The following ATP6V0E1 variants were observed in gnomAD, a reference collection of about 807,000 sequenced individuals.
ATP6V0E1 encodes the protein V-type proton ATPase subunit e 1.
ATP6V0E1 carries 4 observed loss-of-function variants against 11.6 expected under a neutral mutation model. The observed-to-expected ratio is 0.35, with a 90% CI of 0.17 to 0.79. The LOEUF is 0.79. Among genes scored for constraint, ATP6V0E1 ranks in the 30% least tolerant of loss-of-function variants. ATP6V0E1 has a pLI of 0.54. For synonymous variants in ATP6V0E1, 36 were observed against 34.8 expected, an observed-to-expected ratio of 1.04 and a Z score of -0.13; for missense variants, 105 against 100.0, an observed-to-expected ratio of 1.05 and a Z score of -0.21.
chr5:173,004,630 T>A (rs1415182688), intron 2 of ATP6V0E1, among the ~76,000 whole-genome samples: 4 of 152,140 alleles, frequency 2.6e-5, no homozygotes, highest in African/African-American at 9.7e-5. Flanking sequence ...TCATAATAGA[T>A]GGTCCTGGGA....
At chr5:173,014,587 G>C (rs1756375517) in intron 2 of ATP6V0E1, among the ~76,000 whole-genome samples, 1 of 152,156 alleles carries the variant, frequency 6.6e-6, no homozygotes, top group Non-Finnish European at 1.5e-5. Flanking sequence ...GGAGGAACTA[G>C]AGGCCATTAT....
Position 172,997,989 on chromosome 5 carries a change from G to A in ATP6V0E1, c.152+3167G>A, listed in dbSNP as rs898550559. ...CCGATTGTGGTGGCACATGCCTGTC[G>A]TCCCAGCTACCGGGAAGGTGGAGGT... On this transcript the variant is annotated intron_variant, in intron 2 of 3. Coordinates refer to ENST00000519374, the MANE Select transcript of ATP6V0E1 (RefSeq NM_003945.4). Among the ~76,000 whole-genome samples, 9 of 151,894 alleles carry A rather than the reference G, an allele frequency of 5.9e-5. No homozygotes were observed. The East Asian group carries it at 1.2e-3, about 20-fold the overall frequency.
chr5:173,022,880 TAG>T (rs1402847042), intron 3 of ATP6V0E1, among the ~76,000 whole-genome samples: 1 of 152,116 alleles, frequency 6.6e-6, no homozygotes, highest in Non-Finnish European at 1.5e-5. Context: ...TTATTTTTTA[TAG>T]AGAGAGAGGG....
chr5:172,995,254 C>A (rs1428273456), intron 2 of ATP6V0E1, among the ~76,000 whole-genome samples: 1 of 152,204 alleles, frequency 6.6e-6, no homozygotes, highest in Non-Finnish European at 1.5e-5. Context: ...CAGGCACACG[C>A]CGCCATGCAT....
At chr5:173,025,639 C>G (rs1472141292) in intron 3 of ATP6V0E1, among the ~76,000 whole-genome samples, 2 of 145,136 alleles carry the variant, frequency 1.4e-5, no homozygotes, top group Non-Finnish European at 3.0e-5. Context: ...GGACTGTAGA[C>G]ACGTGACACC....
chr5:173,032,080 A>AG (rs1756668725), intron 3 of ATP6V0E1, among the ~76,000 whole-genome samples: 1 of 151,968 alleles, frequency 6.6e-6, no homozygotes, highest in South Asian at 2.1e-4. Flanking sequence ...TGAGCCCAGG[A>AG]GGTGGTGGTT....
At chr5:172,999,762 T>G (rs1756124234) in intron 2 of ATP6V0E1, among the ~76,000 whole-genome samples, 1 of 152,232 alleles carries the variant, frequency 6.6e-6, no homozygotes, top group Non-Finnish European at 1.5e-5. Flanking sequence ...GCACTGTTAG[T>G]GGTGTATTAA....
At chr5:173,021,678 C>A (rs539625751) in intron 3 of ATP6V0E1, among the ~76,000 whole-genome samples, 140 of 152,284 alleles carry the variant, frequency 9.2e-4, no homozygotes, top group Non-Finnish European at 1.4e-3. Flanking sequence ...CCAGGCCCCA[C>A]CTCCATCATT....
intron 1 of ATP6V0E1, among the ~76,000 whole-genome samples, chr5:172,993,067 G>A (rs1373916581): frequency 6.6e-6 from 1 of 152,066 alleles, no homozygotes; most frequent in Admixed American, 6.6e-5. Flanking sequence ...TAAAGTGCTG[G>A]GATCACAGGC....
chr5:172,988,677 C>A (rs77173672), intron 1 of ATP6V0E1, among the ~76,000 whole-genome samples: 3,248 of 152,214 alleles, frequency 0.021, 118 homozygotes, highest in African/African-American at 0.073. Context: ...AGCTGAAGTG[C>A]TTCACACTAT....
chr5:173,011,783 A>C (rs928642120), intron 2 of ATP6V0E1, among the ~76,000 whole-genome samples: 11 of 152,182 alleles, frequency 7.2e-5, no homozygotes, highest in Admixed American at 3.3e-4. Context: ...TCGGGCAAAC[A>C]TGAAAGGTAC....
intron 2 of ATP6V0E1, among the ~76,000 whole-genome samples, chr5:173,011,510 A>G (rs1457426540): frequency 6.6e-6 from 1 of 152,054 alleles, no homozygotes; most frequent in African/African-American, 2.4e-5. Context: ...GCCTATAGAA[A>G]CAGCCTAGTA....
intron 2 of ATP6V0E1, among the ~76,000 whole-genome samples, chr5:173,005,094 T>G (rs1301137107): frequency 1.3e-5 from 2 of 152,168 alleles, no homozygotes; most frequent in East Asian, 3.8e-4. Flanking sequence ...ATCTTTGTGC[T>G]TCAAGATTGT....
intron 1 of ATP6V0E1, among the ~76,000 whole-genome samples, chr5:172,985,755 A>T (rs1429908311): frequency 6.6e-6 from 1 of 152,226 alleles, no homozygotes; most frequent in Non-Finnish European, 1.5e-5. Context: ...GTTTCCACTT[A>T]GCCCTAGAGA....
chr5:172,993,325 A>G (rs1485115704), intron 1 of ATP6V0E1, among the ~76,000 whole-genome samples: 1 of 151,984 alleles, frequency 6.6e-6, no homozygotes, highest in African/African-American at 2.4e-5. Flanking sequence ...CCTGGACAAC[A>G]TGGCAAAACC....
chr5:173,017,059 C>T (rs538828124), intron 2 of ATP6V0E1, among the ~76,000 whole-genome samples: 2 of 152,252 alleles, frequency 1.3e-5, no homozygotes, highest in South Asian at 4.1e-4. Flanking sequence ...CATTGGTGAT[C>T]AGAATCAGCC....
At chr5:173,021,928 G>A (rs191694484) in intron 3 of ATP6V0E1, among the ~76,000 whole-genome samples, 14 of 152,248 alleles carry the variant, frequency 9.2e-5, no homozygotes, top group Admixed American at 7.2e-4. Context: ...CCAGCTACTC[G>A]GGAGGCTGAG....
In ATP6V0E1 at chr5:172,990,517, T is replaced by G. The variant is rs112336291; in HGVS notation, c.105-4258T>G. 8.1e-3 allele frequency among the ~76,000 whole-genome samples: 1,228 copies of G among 152,172 alleles called. 14 individuals carry two copies. The highest frequency in any genetic ancestry group is 0.028 in the African/African-American group (1,174 of 41,540). Reference sequence around the variant, plus strand: ...TTTAATTTTATTTTTATTTTTTGATTATTTTATTTATAAATAATAGAGATG... The same window carrying G: ...TTTAATTTTATTTTTATTTTTTGATGATTTTATTTATAAATAATAGAGATG... On this transcript the variant is annotated intron_variant, in intron 1 of 3. Coordinates refer to ENST00000519374, the MANE Select transcript of ATP6V0E1 (RefSeq NM_003945.4).
At chr5:173,017,564 C>T (rs1200104009) in intron 2 of ATP6V0E1, among the ~76,000 whole-genome samples, 5 of 129,114 alleles carry the variant, frequency 3.9e-5, no homozygotes, top group South Asian at 2.5e-4. Flanking sequence ...GATTCCTGGC[C>T]GGCTGCAGTG....
Sources: gnomAD v4.1 joint callset for allele counts (sites outside exome capture counted in the v4.1 genomes callset) on GRCh38, gnomAD v4.1.1 for gene constraint, MANE v1.5 for transcripts, NCBI Gene and HGNC (gene_info 2026-07-23, HGNC 2026-07-21) for gene names.